ARB2A: variants seen among roughly 807,000 people sequenced by gnomAD.
The protein encoded by ARB2A is ARB2 cotranscriptional regulator A.
chr5:93,777,446 C>A, the ARB2A span, among the ~76,000 whole-genome samples: 1 of 152,018 alleles, frequency 6.6e-6, no homozygotes, highest in Non-Finnish European at 1.5e-5. Context: ...ATAAAATAAT[C>A]TATATTCCTT....
the ARB2A span, among the ~76,000 whole-genome samples, chr5:93,917,712 T>C: frequency 6.6e-6 from 1 of 151,940 alleles, no homozygotes; most frequent in Admixed American, 6.6e-5. Flanking sequence ...ACCTCATCTC[T>C]ACAAAAAATT....
the ARB2A span, among the ~76,000 whole-genome samples, chr5:93,679,771 T>C: frequency 6.6e-6 from 1 of 152,114 alleles, no homozygotes; most frequent in Non-Finnish European, 1.5e-5. Context: ...AGAGAAAAAC[T>C]TAATATGTCA....
At chr5:93,644,731 A>AT in the ARB2A span, among the ~76,000 whole-genome samples, 6 of 151,992 alleles carry the variant, frequency 3.9e-5, no homozygotes, top group Admixed American at 2.6e-4. Context: ...TCCTGGTTGT[A>AT]TTTTTTTTAA....
chr5:93,958,629 C>T, the ARB2A span: 2 of 530,570 alleles, frequency 3.8e-6, no homozygotes, highest in Non-Finnish European at 5.9e-6. Flanking sequence ...CAAAATAATG[C>T]AGAATAATCT....
At chr5:93,854,318 T>C in the ARB2A span, among the ~76,000 whole-genome samples, 1 of 152,192 alleles carries the variant, frequency 6.6e-6, no homozygotes, top group African/African-American at 2.4e-5. Flanking sequence ...CTTTATCATT[T>C]TTATTGCACC....
At chr5:93,891,219 A>C in the ARB2A span, among the ~76,000 whole-genome samples, 1 of 152,084 alleles carries the variant, frequency 6.6e-6, no homozygotes, top group African/African-American at 2.4e-5. Context: ...TCATTCCTGT[A>C]TGAGCCCATT....
the ARB2A span, chr5:93,734,654 T>G: frequency 6.6e-6 from 1 of 152,056 alleles, no homozygotes; most frequent in South Asian, 2.1e-4. Flanking sequence ...GGAGTTGAAA[T>G]TTATTTTTAA....
the ARB2A span, among the ~76,000 whole-genome samples, chr5:93,885,394 C>T: frequency 6.6e-6 from 1 of 151,534 alleles, no homozygotes; most frequent in African/African-American, 2.4e-5. Context: ...AAGTATGCTA[C>T]ATTTCTTATA....
the ARB2A span, among the ~76,000 whole-genome samples, chr5:94,016,928 G>C: frequency 9.2e-5 from 14 of 152,210 alleles, no homozygotes; most frequent in Non-Finnish European, 2.9e-5. Context: ...TCAAGGACTT[G>C]ATGGGGTGAA....
At chr5:93,784,491 T>C in the ARB2A span, 3 of 1,611,928 alleles carry the variant, frequency 1.9e-6, no homozygotes, top group Non-Finnish European at 2.5e-6. Flanking sequence ...CGGCTTCTCG[T>C]TGAATCATCT....
the ARB2A span, among the ~76,000 whole-genome samples, chr5:94,060,835 C>T: frequency 3.3e-5 from 5 of 152,102 alleles, no homozygotes; most frequent in Admixed American, 1.3e-4. Flanking sequence ...TATGACAGAA[C>T]GGTTCACTAT....
chr5:93,647,360 G>A, the ARB2A span, among the ~76,000 whole-genome samples: 1 of 152,140 alleles, frequency 6.6e-6, no homozygotes, highest in African/African-American at 2.4e-5. Context: ...CAGAGTAGCT[G>A]AGATTACAGG....
chr5:93,683,397 G>A, the ARB2A span: 4 of 1,602,122 alleles, frequency 2.5e-6, no homozygotes, highest in Non-Finnish European at 3.4e-6. Flanking sequence ...ATATGCACTG[G>A]CCCTGAACCA....
chr5:93,950,705 G>A, the ARB2A span, among the ~76,000 whole-genome samples: 1 of 151,540 alleles, frequency 6.6e-6, no homozygotes, highest in African/African-American at 2.4e-5. Flanking sequence ...AGCACTTTGG[G>A]AGGCCAAGGT....
At chr5:93,817,601 T>C in the ARB2A span, among the ~76,000 whole-genome samples, 2 of 152,146 alleles carry the variant, frequency 1.3e-5, no homozygotes, top group African/African-American at 4.8e-5. Context: ...ATCAAGTCAG[T>C]GTGGTACTGG....
the ARB2A span, among the ~76,000 whole-genome samples, chr5:93,872,418 T>G: frequency 2.0e-5 from 3 of 152,160 alleles, no homozygotes; most frequent in African/African-American, 2.4e-5. Context: ...GATTCTGAAG[T>G]GCTTATTCTT....
chr5:94,018,950 G>A, the ARB2A span, among the ~76,000 whole-genome samples: 1 of 152,022 alleles, frequency 6.6e-6, no homozygotes, highest in African/African-American at 2.4e-5. Flanking sequence ...CATGGTACTG[G>A]TACCAAAACA....
chr5:93,779,124 T>TGTGTGTGTGTGCGC, the ARB2A span, among the ~76,000 whole-genome samples: 53 of 146,388 alleles, frequency 3.6e-4, 1 homozygote, highest in African/African-American at 1.3e-3. Context: ...TGTGTGTGTG[T>TGTGTGTGTGTGCGC]GCGCGCGCGC....
the ARB2A span, among the ~76,000 whole-genome samples, chr5:93,868,976 C>A: frequency 6.6e-6 from 1 of 152,178 alleles, no homozygotes; most frequent in East Asian, 1.9e-4. Flanking sequence ...CACAGATAAC[C>A]ACTTAGAGAA....
Sources: allele counts gnomAD v4.1 joint callset (sites outside exome capture counted in the v4.1 genomes callset), GRCh38; gene constraint gnomAD v4.1.1; transcripts MANE v1.5; gene names NCBI Gene and HGNC (gene_info 2026-07-23, HGNC 2026-07-21).